NYAP2: variants seen among roughly 807,000 people sequenced by gnomAD.
NYAP2 encodes the protein neuronal tyrosine-phosphorylated phosphoinositide-3-kinase adapter 2.
Under a neutral mutation model 50.4 loss-of-function variants are expected in NYAP2, and 23 were observed. That is an observed-to-expected ratio of 0.46 (90% CI 0.33 to 0.65). The LOEUF (loss-of-function observed/expected upper bound fraction) is 0.65, where lower values mean the gene tolerates loss of function less well. Among genes scored for constraint, NYAP2 ranks in the 30% least tolerant of loss-of-function variants. The pLI, the probability that NYAP2 is intolerant of heterozygous loss-of-function variation, is 0.02. For missense variants in NYAP2, 885 were observed against 861.0 expected (o/e 1.03, Z -0.35); for synonymous variants, 394 against 365.2 (o/e 1.08, Z -0.90).
intron 4 of NYAP2, among the ~76,000 whole-genome samples, chr2:225,570,407 T>C (rs1367274499): frequency 1.3e-5 from 2 of 152,130 alleles, no homozygotes; most frequent in African/African-American, 4.8e-5. Context: ...AGAAATAACC[T>C]GAGACTGGGT....
At chr2:225,480,587 G>A (rs147607805) in intron 3 of NYAP2, among the ~76,000 whole-genome samples, 123 of 152,182 alleles carry the variant, frequency 8.1e-4, no homozygotes, top group African/African-American at 2.8e-3. Flanking sequence ...GAGTATTTGC[G>A]TGATTGGGAC....
Position 225,641,234 on chromosome 2 carries a change from T to C in NYAP2, c.1829-10198T>C, listed in dbSNP as rs1693524637. On this transcript the variant is annotated intron_variant, in intron 6 of 6. Coordinates refer to ENST00000636099, the Ensembl canonical transcript of NYAP2. ...CTGTGGAGATGCTGCACCAACAGTGTTCACGAAGAATGCCCTTTCTGTTTC... is the reference window on the plus strand; with the variant it reads ...CTGTGGAGATGCTGCACCAACAGTGCTCACGAAGAATGCCCTTTCTGTTTC... 2.6e-5 allele frequency among the ~76,000 whole-genome samples: 4 copies of C among 152,218 alleles called. No homozygotes were observed. The South Asian group carries it at 8.3e-4, about 32-fold the overall frequency.
intron 3 of NYAP2, among the ~76,000 whole-genome samples, chr2:225,433,816 CAAAAAA>C (rs35886164): frequency 6.4e-5 from 4 of 62,484 alleles, no homozygotes; most frequent in Non-Finnish European, 7.8e-5. Flanking sequence ...GACTCCGTCT[CAAAAAA>C]AAAAAAAAAA....
chr2:225,440,468 C>T (rs1174775954), intron 3 of NYAP2, among the ~76,000 whole-genome samples: 2 of 152,132 alleles, frequency 1.3e-5, no homozygotes, highest in African/African-American at 4.8e-5. Context: ...AAACAACTTC[C>T]TTGGAGAAGC....
intron 3 of NYAP2, among the ~76,000 whole-genome samples, chr2:225,436,519 G>A (rs183782526): frequency 5.3e-5 from 8 of 152,146 alleles, no homozygotes; most frequent in African/African-American, 1.7e-4. Context: ...CAGTCACATT[G>A]GATTAGGGGC....
intron 4 of NYAP2, among the ~76,000 whole-genome samples, chr2:225,552,189 C>T (rs1001201858): frequency 6.6e-6 from 1 of 152,094 alleles, no homozygotes; most frequent in Admixed American, 6.6e-5. Flanking sequence ...CCAAAATTCC[C>T]TCAGATTTTC....
At chr2:225,460,319 T>C (rs1338534685) in intron 3 of NYAP2, among the ~76,000 whole-genome samples, 2 of 152,236 alleles carry the variant, frequency 1.3e-5, no homozygotes, top group African/African-American at 4.8e-5. Context: ...CATGGTAGAT[T>C]ATTTTTACTG....
At chr2:225,502,614 T>C (rs1238720816) in intron 3 of NYAP2, among the ~76,000 whole-genome samples, 1 of 152,202 alleles carries the variant, frequency 6.6e-6, no homozygotes, top group Admixed American at 6.5e-5. Context: ...TTTTTCAATT[T>C]CTATAGATCC....
intron 4 of NYAP2, among the ~76,000 whole-genome samples, chr2:225,563,941 G>A (rs1039559271): frequency 7.9e-5 from 12 of 152,194 alleles, no homozygotes; most frequent in African/African-American, 4.8e-5. Flanking sequence ...TCTGTGGACT[G>A]TAATCTGAGA....
At chr2:225,595,628 C>A (rs1692583224) in intron 5 of NYAP2, among the ~76,000 whole-genome samples, 1 of 152,176 alleles carries the variant, frequency 6.6e-6, no homozygotes, top group Admixed American at 6.5e-5. Flanking sequence ...GATTACCTCA[C>A]AGTTGTTTTT....
chr2:225,540,322 A>C (rs192463172), intron 4 of NYAP2, among the ~76,000 whole-genome samples: 1 of 152,286 alleles, frequency 6.6e-6, no homozygotes, highest in East Asian at 1.9e-4. Context: ...ATGAATACAT[A>C]CTTGAGACTG....
downstream of NYAP2, among the ~76,000 whole-genome samples, chr2:225,656,353 C>T (rs1372008291): frequency 6.6e-6 from 1 of 152,136 alleles, no homozygotes; most frequent in African/African-American, 2.4e-5. Flanking sequence ...AGCTGTTATC[C>T]AGGCTACTAA....
the NYAP2 span, among the ~76,000 whole-genome samples, chr2:225,692,269 T>C: frequency 1.3e-5 from 2 of 152,150 alleles, no homozygotes; most frequent in African/African-American, 2.4e-5. Flanking sequence ...TTCAGAGTAT[T>C]TTCTTTTCTC....
chr2:225,555,935 A>T (rs1457999594), intron 4 of NYAP2, among the ~76,000 whole-genome samples: 1 of 152,154 alleles, frequency 6.6e-6, no homozygotes, highest in South Asian at 2.1e-4. Context: ...AGATCCTGAC[A>T]CTATACCCCA....
the NYAP2 span, chr2:225,699,610 C>T: frequency 2.6e-5 from 4 of 151,806 alleles, no homozygotes; most frequent in Non-Finnish European, 5.9e-5. Context: ...ATATGTATTT[C>T]TTGTTAATTT....
intron 5 of NYAP2, among the ~76,000 whole-genome samples, chr2:225,602,088 G>T (rs765699782): frequency 5.9e-5 from 9 of 152,182 alleles, no homozygotes; most frequent in African/African-American, 1.7e-4. Flanking sequence ...TCTCTGCAGT[G>T]AAGAGGGGGC....
At chr2:225,461,971 C>T (rs1289534385) in intron 3 of NYAP2, among the ~76,000 whole-genome samples, 1 of 152,090 alleles carries the variant, frequency 6.6e-6, no homozygotes, top group Non-Finnish European at 1.5e-5. Flanking sequence ...GTGGGTGTCT[C>T]AACATCAACA....
chr2:225,532,433 T>C (rs1311205473), intron 4 of NYAP2, among the ~76,000 whole-genome samples: 2 of 152,230 alleles, frequency 1.3e-5, no homozygotes, highest in African/African-American at 4.8e-5. Context: ...AGGAGGGCAG[T>C]GATTTAAGAC....
intron 3 of NYAP2, among the ~76,000 whole-genome samples, chr2:225,436,311 A>G (rs1689376272): frequency 6.6e-6 from 1 of 152,208 alleles, no homozygotes; most frequent in Non-Finnish European, 1.5e-5. Context: ...TCTCGAGGTG[A>G]GAAGTTCAAG....
Sources: allele counts gnomAD v4.1 joint callset (sites outside exome capture counted in the v4.1 genomes callset), GRCh38; gene constraint gnomAD v4.1.1; transcripts MANE v1.5; gene names NCBI Gene and HGNC (gene_info 2026-07-23, HGNC 2026-07-21).